Variants in GRM5 observed in about 807,000 individuals in gnomAD.
The protein encoded by GRM5 is glutamate metabotropic receptor 5.
A neutral mutation model predicts 83.1 loss-of-function variants in GRM5; 19 were observed. The ratio of observed to expected loss-of-function variants is 0.23; its 90% CI spans 0.16 to 0.34. GRM5 has a LOEUF of 0.34. Among genes scored for constraint, GRM5 ranks in the 10% least tolerant of loss-of-function variants. The pLI, the probability that GRM5 is intolerant of heterozygous loss-of-function variation, is 1.00. For missense variants in GRM5, 1,160 were observed against 1,588.3 expected (o/e 0.73, Z 4.58); for synonymous variants, 675 against 633.6 (o/e 1.07, Z -0.98).
intron 3 of GRM5, among the ~76,000 whole-genome samples, chr11:88,849,136 CA>C (rs1259317561): frequency 6.6e-6 from 1 of 151,716 alleles, no homozygotes; most frequent in Admixed American, 6.6e-5. Flanking sequence ...TAGTAAATAT[CA>C]TATGTGTATA....
intron 2 of GRM5, among the ~76,000 whole-genome samples, chr11:89,014,883 T>A (rs1174400546): frequency 6.6e-6 from 1 of 152,218 alleles, no homozygotes; most frequent in African/African-American, 2.4e-5. Flanking sequence ...CTTGAATGCT[T>A]GGTTCTGGCA....
intron 3 of GRM5, among the ~76,000 whole-genome samples, chr11:88,723,986 C>T (rs1941611575): frequency 6.6e-6 from 1 of 152,076 alleles, no homozygotes; most frequent in Admixed American, 6.6e-5. Flanking sequence ...AAATAGTGAA[C>T]ATTATACTCA....
chr11:88,678,767 G>T (rs1221860737), intron 3 of GRM5, among the ~76,000 whole-genome samples: 1 of 152,096 alleles, frequency 6.6e-6, no homozygotes, highest in African/African-American at 2.4e-5. Context: ...CATGAATAGT[G>T]AACATTTAAT....
intron 7 of GRM5, among the ~76,000 whole-genome samples, chr11:88,588,701 C>T (rs756836656): frequency 5.3e-5 from 8 of 152,082 alleles, no homozygotes; most frequent in East Asian, 1.9e-4. Flanking sequence ...ATTTAAATTA[C>T]GACCTCTCGG....
chr11:88,869,830 T>A (rs1181503872), intron 2 of GRM5, among the ~76,000 whole-genome samples: 3 of 151,388 alleles, frequency 2.0e-5, no homozygotes, highest in African/African-American at 7.3e-5. Flanking sequence ...GAGGGGAAAT[T>A]AATAGGTGTA....
chr11:88,987,052 G>C (rs1030599131), intron 2 of GRM5, among the ~76,000 whole-genome samples: 9 of 152,062 alleles, frequency 5.9e-5, no homozygotes, highest in Admixed American at 6.5e-5. Flanking sequence ...CTCCCAGCGT[G>C]AGCAAGGCAG....
intron 3 of GRM5, among the ~76,000 whole-genome samples, chr11:88,769,632 CA>C (rs1452304651): frequency 6.6e-6 from 1 of 151,796 alleles, no homozygotes; most frequent in Non-Finnish European, 1.5e-5. Context: ...GGCAGTATGT[CA>C]AAAAGGCACA....
At chr11:88,562,495 T>C (rs1228971727) in intron 8 of GRM5, among the ~76,000 whole-genome samples, 1 of 152,116 alleles carries the variant, frequency 6.6e-6, no homozygotes, top group African/African-American at 2.4e-5. Flanking sequence ...ATTAGAAATG[T>C]TAGACTAGTT....
At chr11:88,609,382 C>G (rs1938255962) in intron 4 of GRM5, among the ~76,000 whole-genome samples, 1 of 152,126 alleles carries the variant, frequency 6.6e-6, no homozygotes, top group African/African-American at 2.4e-5. Flanking sequence ...TGGTACCATG[C>G]ATGCATATGT....
chr11:88,802,138 A>T (rs1943409296), intron 3 of GRM5, among the ~76,000 whole-genome samples: 1 of 152,134 alleles, frequency 6.6e-6, no homozygotes, highest in Non-Finnish European at 1.5e-5. Context: ...GACAGTGATG[A>T]GAGCTCATGG....
intron 2 of GRM5, among the ~76,000 whole-genome samples, chr11:88,995,725 A>G (rs1283216904): frequency 7.2e-5 from 11 of 152,142 alleles, no homozygotes; most frequent in Non-Finnish European, 1.5e-5. Context: ...TTTTCTAAAT[A>G]TCAGTTCTCA....
chr11:88,959,947 C>A (rs1482324826), intron 2 of GRM5, among the ~76,000 whole-genome samples: 1 of 152,122 alleles, frequency 6.6e-6, no homozygotes, highest in Non-Finnish European at 1.5e-5. Flanking sequence ...ACATTTTAAA[C>A]TCAGTTTAAC....
intron 2 of GRM5, among the ~76,000 whole-genome samples, chr11:88,860,099 G>T (rs559159925): frequency 6.6e-6 from 1 of 152,230 alleles, no homozygotes; most frequent in South Asian, 2.1e-4. Flanking sequence ...AGTGATTTTG[G>T]TGTTAAATTT....
intron 2 of GRM5, among the ~76,000 whole-genome samples, chr11:88,940,974 GT>G (rs1203839520): frequency 6.6e-6 from 1 of 151,954 alleles, no homozygotes; most frequent in Non-Finnish European, 1.5e-5. Flanking sequence ...CATACGCACA[GT>G]TTTCCCCCTA....
At chr11:88,728,883 TA>T (rs1941742821) in intron 3 of GRM5, among the ~76,000 whole-genome samples, 1 of 151,988 alleles carries the variant, frequency 6.6e-6, no homozygotes, top group Non-Finnish European at 1.5e-5. Flanking sequence ...CTCAAAATAA[TA>T]AGTTATTTAT....
intron 2 of GRM5, among the ~76,000 whole-genome samples, chr11:89,027,796 C>A (rs915152710): frequency 1.7e-4 from 26 of 152,144 alleles, no homozygotes; most frequent in Admixed American, 1.2e-3. Flanking sequence ...CTGCTATGAA[C>A]AATGTCAAAG....
chr11:88,768,672 C>T (rs1455272122), intron 3 of GRM5, among the ~76,000 whole-genome samples: 1 of 151,366 alleles, frequency 6.6e-6, no homozygotes, highest in Non-Finnish European at 1.5e-5. Flanking sequence ...CCTGAAAGGT[C>T]ATCACACTGG....
chr11:88,846,342 G>C (rs1944303325), intron 3 of GRM5, among the ~76,000 whole-genome samples: 2 of 152,120 alleles, frequency 1.3e-5, no homozygotes, highest in South Asian at 4.1e-4. Flanking sequence ...TCAGATTATT[G>C]ATCTCAGCCT....
chr11:89,022,174 T>G (rs2135110027), intron 2 of GRM5, among the ~76,000 whole-genome samples: 1 of 152,232 alleles, frequency 6.6e-6, no homozygotes, highest in African/African-American at 2.4e-5. Context: ...TGCATTTTCT[T>G]TCTATGCTTG....
Sources: allele counts gnomAD v4.1 joint callset (sites outside exome capture counted in the v4.1 genomes callset), GRCh38; gene constraint gnomAD v4.1.1; transcripts MANE v1.5; gene names NCBI Gene and HGNC (gene_info 2026-07-23, HGNC 2026-07-21).